FAM117B: variants seen among roughly 807,000 people sequenced by gnomAD.
FAM117B encodes family with sequence similarity 117 member B, also known as protein FAM117B.
FAM117B carries 22 observed loss-of-function variants against 52.8 expected under a neutral mutation model. The observed-to-expected ratio is 0.42, with a 90% CI of 0.30 to 0.59. The LOEUF is 0.59. FAM117B is among the 20% of genes least tolerant of loss of function. The probability of loss-of-function intolerance (pLI) is 0.22; values close to 1 mark genes in which losing one functional copy is unlikely to be tolerated. For missense variants in FAM117B, 678 were observed against 802.6 expected (o/e 0.84, Z 1.88); for synonymous variants, 309 against 324.1 (o/e 0.95, Z 0.50).
chr2:202,679,267 A>G (rs1471519819), intron 1 of FAM117B, among the ~76,000 whole-genome samples: 1 of 152,186 alleles, frequency 6.6e-6, no homozygotes, highest in African/African-American at 2.4e-5. Flanking sequence ...TTTCTGCCAG[A>G]AGACACATTT....
chr2:202,651,097 C>T (rs900528820), intron 1 of FAM117B, among the ~76,000 whole-genome samples: 14 of 142,266 alleles, frequency 9.8e-5, no homozygotes, highest in African/African-American at 3.7e-4. Flanking sequence ...GAATCTTGCT[C>T]AGTCGCCCAG....
At chr2:202,663,004 A>G (rs917960052) in intron 1 of FAM117B, among the ~76,000 whole-genome samples, 4 of 152,224 alleles carry the variant, frequency 2.6e-5, no homozygotes, top group African/African-American at 9.6e-5. Context: ...AGAAATAACT[A>G]TTTTTAGCTT....
At chr2:202,725,929 T>G (rs1215267672) in intron 3 of FAM117B, among the ~76,000 whole-genome samples, 1 of 152,220 alleles carries the variant, frequency 6.6e-6, no homozygotes, top group Non-Finnish European at 1.5e-5. Flanking sequence ...AAATAAAAAT[T>G]AACTTATGGT....
Position 202,695,874 on chromosome 2 carries a change from A to C in FAM117B, c.602-7A>C. 1 of 1,571,550 alleles carries C rather than the reference A, an allele frequency of 6.4e-7. No individual in the cohort carries two copies. Among genetic ancestry groups the C allele is most frequent in the Non-Finnish European group, 8.6e-7 (1 of 1,158,568 alleles). ...TATTAAAACAAGCATTTTTGTCTTA[A>C]ATCTAGGTGACAAAACACGACAGCC... On this transcript the variant is annotated splice_polypyrimidine_tract_variant and splice_region_variant and intron_variant, in intron 1 of 7. Transcript: ENST00000392238.
At chr2:202,709,233 G>A (rs559877136) in intron 2 of FAM117B, among the ~76,000 whole-genome samples, 1 of 142,204 alleles carries the variant, frequency 7.0e-6, no homozygotes, top group Non-Finnish European at 1.5e-5. Flanking sequence ...ACAGGGTTTC[G>A]CACTTGTTGC....
At chr2:202,646,222 G>T (rs1467794754) in intron 1 of FAM117B, among the ~76,000 whole-genome samples, 1 of 152,050 alleles carries the variant, frequency 6.6e-6, no homozygotes, top group African/African-American at 2.4e-5. Context: ...TGTTGGCCAG[G>T]CTGGTCTTGA....
chr2:202,642,180 C>A (rs1689780594), intron 1 of FAM117B, among the ~76,000 whole-genome samples: 1 of 144,386 alleles, frequency 6.9e-6, no homozygotes, highest in South Asian at 2.2e-4. Flanking sequence ...GTCCTGAACT[C>A]CTGACCTCGT....
chr2:202,658,851 C>T (rs550744153), intron 1 of FAM117B, among the ~76,000 whole-genome samples: 9 of 151,718 alleles, frequency 5.9e-5, no homozygotes, highest in African/African-American at 1.4e-4. Flanking sequence ...TTATCCTGTT[C>T]GTGTTCACTT....
chr2:202,640,295 A>AAT (rs539187347), intron 1 of FAM117B, among the ~76,000 whole-genome samples: 888 of 51,158 alleles, frequency 0.017, 42 homozygotes, highest in Non-Finnish European at 0.02. Flanking sequence ...ACCACCACAA[A>AAT]ATATATATAT....
intron 1 of FAM117B, among the ~76,000 whole-genome samples, chr2:202,669,145 A>G (rs1206201645): frequency 9.9e-5 from 15 of 152,264 alleles, no homozygotes; most frequent in Admixed American, 9.2e-4. Flanking sequence ...ATTGGTAGAA[A>G]TTGGTTGTAA....
intron 1 of FAM117B, among the ~76,000 whole-genome samples, chr2:202,652,343 C>G (rs1689969635): frequency 6.6e-6 from 1 of 152,076 alleles, no homozygotes; most frequent in Non-Finnish European, 1.5e-5. Context: ...TCAGACAATC[C>G]TCTTTCTTTG....
At chr2:202,655,632 GATA>G (rs1470078834) in intron 1 of FAM117B, among the ~76,000 whole-genome samples, 2 of 151,362 alleles carry the variant, frequency 1.3e-5, no homozygotes, top group Non-Finnish European at 2.9e-5. Context: ...ATGTAGCATT[GATA>G]GTATCTCTTC....
chr2:202,661,857 A>C (rs527790384), intron 1 of FAM117B, among the ~76,000 whole-genome samples: 26 of 151,434 alleles, frequency 1.7e-4, no homozygotes, highest in Non-Finnish European at 3.7e-4. Flanking sequence ...CGGAGGTTGC[A>C]GTGAGCCGAG....
At chr2:202,741,907 C>T (rs1368802809) in intron 4 of FAM117B, among the ~76,000 whole-genome samples, 1 of 152,108 alleles carries the variant, frequency 6.6e-6, no homozygotes, top group Non-Finnish European at 1.5e-5. Context: ...ATACAAACAG[C>T]AACCAGCTAG....
At chr2:202,653,571 T>G (rs1381581158) in intron 1 of FAM117B, among the ~76,000 whole-genome samples, 1 of 152,186 alleles carries the variant, frequency 6.6e-6, no homozygotes, top group Non-Finnish European at 1.5e-5. Context: ...TTGTCTGTCT[T>G]GAAAACTATT....
chr2:202,724,443 C>A (rs769817739), intron 2 of FAM117B, among the ~76,000 whole-genome samples: 1 of 152,166 alleles, frequency 6.6e-6, no homozygotes, highest in Admixed American at 6.5e-5. Context: ...AGGTTTATTT[C>A]TTGGCTTTGC....
In FAM117B at chr2:202,768,347, T is replaced by C. The variant is rs1308873611; in HGVS notation, c.*2583T>C. The stretch of plus-strand genomic sequence containing the variant: ...GAACAAGTTTCAGAATTATTTACAG[T>C]CTTATACATAGAACTTCTAGTGTAA... On this transcript the variant is annotated 3_prime_UTR_variant, in exon 8 of 8. Coordinates refer to ENST00000392238, the MANE Select transcript of FAM117B (RefSeq NM_173511.4). 1 of 152,264 alleles carries C rather than the reference T, an allele frequency of 6.6e-6. No homozygotes were observed. The highest frequency in any genetic ancestry group is 1.5e-5 in the Non-Finnish European group (1 of 68,044). 9.4% of individuals were successfully genotyped at this position (152,264 alleles called of 1,614,324 possible).
At chr2:202,643,539 T>A (rs1379674425) in intron 1 of FAM117B, among the ~76,000 whole-genome samples, 1 of 152,194 alleles carries the variant, frequency 6.6e-6, no homozygotes, top group Non-Finnish European at 1.5e-5. Context: ...AATTTAAATT[T>A]ATTTTTTTAA....
At position 202,641,965 on chromosome 2, in the gene FAM117B, C is replaced by T. The variant is rs75381767; in HGVS notation, c.601+6177C>T. Among the ~76,000 whole-genome samples, 416 of 133,432 alleles carry T rather than the reference C, an allele frequency of 3.1e-3. 14 individuals are homozygous for T. In the East Asian group the frequency reaches 0.08, roughly 26 times the overall value. 87.5% of individuals were successfully genotyped at this position (133,432 alleles called of 152,430 possible). The stretch of plus-strand genomic sequence containing the variant: ...ATATTTTCTTTTTTTTTTTTTTTAT[C>T]GGAGTCTTACTCTGTCGCCCAGGCT... On this transcript the variant is annotated intron_variant, in intron 1 of 7. Coordinates refer to ENST00000392238, the MANE Select transcript of FAM117B (RefSeq NM_173511.4).
Sources: allele counts gnomAD v4.1 joint callset (sites outside exome capture counted in the v4.1 genomes callset), GRCh38; gene constraint gnomAD v4.1.1; transcripts MANE v1.5; gene names NCBI Gene and HGNC (gene_info 2026-07-23, HGNC 2026-07-21).